The following KIF13B variants were observed in gnomAD, a reference collection of about 807,000 sequenced individuals.
The protein encoded by KIF13B is kinesin family member 13B.
In KIF13B, 127 loss-of-function variants were observed where a neutral mutation model predicts 222.0. That is an observed-to-expected ratio of 0.57 (90% CI 0.50 to 0.66). The LOEUF (loss-of-function observed/expected upper bound fraction) is 0.66. Among genes scored for constraint, KIF13B ranks in the 30% least tolerant of loss-of-function variants. The pLI is 0.00. For synonymous variants in KIF13B, 976 were observed against 919.0 expected, an observed-to-expected ratio of 1.06 and a Z score of -1.12; for missense variants, 2,173 against 2,379.0, an observed-to-expected ratio of 0.91 and a Z score of 1.80.
intron 1 of KIF13B, among the ~76,000 whole-genome samples, chr8:29,253,335 C>A (rs542088709): frequency 1.3e-5 from 2 of 151,854 alleles, no homozygotes; most frequent in South Asian, 4.2e-4. Context: ...CAGAGCAAGA[C>A]CCCATATCTG....
chr8:29,099,100 T>C (rs370704178), intron 36 of KIF13B, 33 bp downstream of exon 36: 3 of 1,473,430 alleles, frequency 2.0e-6, no homozygotes, highest in African/African-American at 2.8e-5. Flanking sequence ...CTCAGATTTC[T>C]GACAGTAATT....
At chr8:29,226,099 A>G (rs1815007057) in intron 2 of KIF13B, among the ~76,000 whole-genome samples, 1 of 151,978 alleles carries the variant, frequency 6.6e-6, no homozygotes, top group South Asian at 2.1e-4. Context: ...GAATACATGC[A>G]GGATCTAGAG....
rs1197090261 is a variant in KIF13B at position 29,155,828 on chromosome 8, G to C, written c.1433C>G (p.Ser478Cys). The C allele has an allele frequency of 6.3e-7, 1 of 1,583,480 alleles. No homozygotes were observed. Among genetic ancestry groups the C allele is most frequent in the African/African-American group, 1.3e-5 (1 of 74,498 alleles). ...CATGCCGCACAGTTGGATATCTTGGGAATTTGCTGACCCTATCAATGTATG... is the reference window on the plus strand; with the variant it reads ...CATGCCGCACAGTTGGATATCTTGGCAATTTGCTGACCCTATCAATGTATG... ...KEHTLIGSANSQDIQLCGMGI... is the reference protein window; with the variant it reads ...KEHTLIGSANCQDIQLCGMGI... Residue 478 changes from serine (S) to cysteine (C), a missense_variant, in exon 14 of 40, where the codon TCC becomes TGC. Transcript: ENST00000524189.
At chr8:29,116,450 C>A (rs925111072) in intron 31 of KIF13B, among the ~76,000 whole-genome samples, 1 of 151,758 alleles carries the variant, frequency 6.6e-6, no homozygotes, top group East Asian at 1.9e-4. Flanking sequence ...GCCTGAGCAA[C>A]AGAGCAAGAC....
At position 29,147,469 on chromosome 8, in the gene KIF13B, C is replaced by G. The variant is rs779119570; in HGVS notation, c.1947G>C (p.Gln649His). The change falls in exon 17 of 40, where the codon CAG (glutamine) becomes CAC (histidine). Residue 649 changes from glutamine to histidine, a missense_variant. Physicochemically the swap from Gln to His is conservative, Grantham distance 24. This residue lies in a region of KIF13B where 1,480 missense variants were observed against 1,722.8 expected (regional missense o/e 0.86). Coordinates refer to ENST00000524189, the MANE Select transcript of KIF13B (RefSeq NM_015254.4). ...QLRRRLSPEK[Q>H]NCRSMDRFSF... ...AAAACCTGTCCATGCTCCGGCAGTT[C>G]TGCTTCTCAGGAGACAGCCTTCTCC... 2 of 1,613,226 alleles carry G rather than the reference C, an allele frequency of 1.2e-6. No individual in the cohort carries two copies. Among genetic ancestry groups the G allele is most frequent in the South Asian group, 2.2e-5 (2 of 90,904 alleles).
intron 2 of KIF13B, among the ~76,000 whole-genome samples, chr8:29,199,860 G>C (rs2130405608): frequency 6.6e-6 from 1 of 152,274 alleles, no homozygotes. Context: ...GCTTATGCTA[G>C]AGTACATTTA....
Position 29,071,394 on chromosome 8 carries a change from G to C in KIF13B, c.5218+226C>G, listed in dbSNP as rs902620466. Among the ~76,000 whole-genome samples, 2 of 152,112 alleles carry C rather than the reference G, an allele frequency of 1.3e-5. No homozygotes were observed. Among genetic ancestry groups the C allele is most frequent in the African/African-American group, 4.8e-5 (2 of 41,402 alleles). On this transcript the variant is annotated intron_variant, in intron 39 of 39. Transcript: ENST00000524189. This position sits in a 1 kb window ranked among gnomAD's most constrained non-coding sequence, Gnocchi z 4.9. Reference sequence around the variant, plus strand: ...CATGGCGATGGGGGGATGGGTACAGGATCTTTGTAGCCAAAATCATCAGGA... The same window carrying C: ...CATGGCGATGGGGGGATGGGTACAGCATCTTTGTAGCCAAAATCATCAGGA...
At chr8:29,087,622 G>A (rs1451552866) in intron 37 of KIF13B, among the ~76,000 whole-genome samples, 1 of 152,196 alleles carries the variant, frequency 6.6e-6, no homozygotes, top group Admixed American at 6.5e-5. Context: ...CCACCCAAGC[G>A]CAGTTCCACG....
chr8:29,196,105 T>G (rs756742694), intron 3 of KIF13B, 82 bp downstream of exon 3: 12 of 1,185,272 alleles, frequency 1.0e-5, no homozygotes, highest in Non-Finnish European at 1.4e-5. Context: ...ATATTTTCCT[T>G]TTTGAGAAGA....
chr8:29,081,687 CT>C (rs1807817155), intron 37 of KIF13B, among the ~76,000 whole-genome samples: 1 of 152,130 alleles, frequency 6.6e-6, no homozygotes, highest in African/African-American at 2.4e-5. Context: ...TTAATCTGAC[CT>C]GTATTCTTTT....
At chr8:29,196,113 A>C in intron 3 of KIF13B, 74 bp downstream of exon 3, 1 of 1,236,416 alleles carries the variant, frequency 8.1e-7, no homozygotes, top group Non-Finnish European at 1.1e-6. Flanking sequence ...CTTTTTGAGA[A>C]GAAAACTTCT....
Position 29,147,437 on chromosome 8 carries a change from T to C in KIF13B, c.1979A>G (p.His660Arg), listed in dbSNP as rs1811107193. The C allele has an allele frequency of 6.2e-7, 1 of 1,611,566 alleles. No individual in the cohort carries two copies. Among genetic ancestry groups the C allele is most frequent in the Admixed American group, 1.7e-5 (1 of 59,712 alleles). Residue 660 changes from histidine (H) to arginine (R), a missense_variant, in exon 17 of 40, where the codon CAC (histidine) becomes CGC (arginine). This residue lies in a region of KIF13B where 1,480 missense variants were observed against 1,722.8 expected (regional missense o/e 0.86). Transcript: ENST00000524189. ...TAAGCGTTGCTGAGCGCTGGGCGAG[T>C]GGAAAGAAAACCTGTCCATGCTCCG... ...NCRSMDRFSF[H>R]SPSAQQRLRQ...
intron 37 of KIF13B, among the ~76,000 whole-genome samples, chr8:29,078,952 T>C (rs2133494973): frequency 6.6e-6 from 1 of 152,340 alleles, no homozygotes; most frequent in East Asian, 1.9e-4. Flanking sequence ...CTCATCATAT[T>C]GCCCTGTGTT....
intron 3 of KIF13B, among the ~76,000 whole-genome samples, chr8:29,193,382 G>T (rs976253733): frequency 6.6e-6 from 1 of 151,926 alleles, no homozygotes; most frequent in Admixed American, 6.6e-5. Context: ...AAACTGGGGG[G>T]AGCTGCCTTG....
At chr8:29,119,702 A>G (rs1809766300) in intron 29 of KIF13B, among the ~76,000 whole-genome samples, 1 of 152,230 alleles carries the variant, frequency 6.6e-6, no homozygotes, top group African/African-American at 2.4e-5. Context: ...AGAACAGGCC[A>G]GAATCACCCT....
chr8:29,099,942 A>C (rs1016350371), intron 35 of KIF13B, among the ~76,000 whole-genome samples: 2 of 152,180 alleles, frequency 1.3e-5, no homozygotes, highest in African/African-American at 4.8e-5. Context: ...TCTCCACAGA[A>C]ACCCACGAAC....
At chr8:29,209,860 T>A (rs895082422) in intron 2 of KIF13B, among the ~76,000 whole-genome samples, 5 of 125,422 alleles carry the variant, frequency 4.0e-5, no homozygotes, top group Admixed American at 4.0e-4. Flanking sequence ...AAGACCAGTC[T>A]GGGCAGTGAG....
chr8:29,213,568 G>A (rs1252891295), intron 2 of KIF13B, among the ~76,000 whole-genome samples: 3 of 152,194 alleles, frequency 2.0e-5, no homozygotes, highest in Non-Finnish European at 4.4e-5. Context: ...CAGGCTGTAT[G>A]GTATAGGCTA....
At chr8:29,149,068 C>T (rs1322153889) in intron 15 of KIF13B, among the ~76,000 whole-genome samples, 1 of 152,186 alleles carries the variant, frequency 6.6e-6, no homozygotes, top group Non-Finnish European at 1.5e-5. Flanking sequence ...ATCATTTGAA[C>T]TGAGTCTTCA....
Sources: allele counts gnomAD v4.1 joint callset (sites outside exome capture counted in the v4.1 genomes callset), GRCh38; gene constraint gnomAD v4.1.1; regional missense constraint gnomAD v4.1.1; non-coding constraint Gnocchi (gnomAD v3.1); transcripts MANE v1.5; gene names NCBI Gene and HGNC (gene_info 2026-07-23, HGNC 2026-07-21).